Variants in NCKAP5 observed in about 807,000 individuals in gnomAD.
The protein encoded by NCKAP5 is NCK associated protein 5.
NCKAP5 carries 92 observed loss-of-function variants against 167.0 expected under a neutral mutation model. The observed-to-expected ratio is 0.55, with a 90% CI of 0.47 to 0.66. NCKAP5 has a LOEUF of 0.66. Ranked by LOEUF, NCKAP5 falls within the 30% of genes least tolerant of loss-of-function variation. The probability of loss-of-function intolerance (pLI) is 0.00; values close to 1 mark genes in which losing one functional copy is unlikely to be tolerated. For synonymous variants in NCKAP5, 891 were observed against 877.4 expected (o/e 1.02, Z -0.27); for missense variants, 2,378 against 2,315.0 (o/e 1.03, Z -0.56).
At chr2:133,073,916 C>T in intron 6 of NCKAP5, among the ~76,000 whole-genome samples, 1 of 152,162 alleles carries the variant, frequency 6.6e-6, no homozygotes, top group African/African-American at 2.4e-5. Flanking sequence ...TATCTAATGG[C>T]TACTGAGGCA....
At chr2:133,399,720 G>C (rs1322863901) in intron 3 of NCKAP5, among the ~76,000 whole-genome samples, 1 of 152,070 alleles carries the variant, frequency 6.6e-6, no homozygotes, top group Non-Finnish European at 1.5e-5. Flanking sequence ...CAAGTAACTG[G>C]TGCGGGCTCC....
rs1428059881 is a variant in NCKAP5 at position 133,357,677 on chromosome 2, T to G, written c.70-54567A>C. ...GGTTTCTGCTTTAGAAATGACCTCC[T>G]TATCAATCTCCTTGTTTTTAATCTT... On this transcript the variant is annotated intron_variant, in intron 3 of 19. Coordinates refer to ENST00000409261, the MANE Select transcript of NCKAP5 (RefSeq NM_207363.3). 3.9e-5 allele frequency among the ~76,000 whole-genome samples: 6 copies of G among 152,314 alleles called. No individual in the cohort carries two copies. In the South Asian group the frequency reaches 1.2e-3, roughly 32 times the overall value.
chr2:132,894,964 G>C (rs2148884856), intron 8 of NCKAP5, among the ~76,000 whole-genome samples: 1 of 152,296 alleles, frequency 6.6e-6, no homozygotes, highest in East Asian at 1.9e-4. Flanking sequence ...GCCAGCATCT[G>C]AGAGGGAACA....
At chr2:133,422,210 A>C (rs1260671173) in intron 3 of NCKAP5, among the ~76,000 whole-genome samples, 1 of 152,232 alleles carries the variant, frequency 6.6e-6, no homozygotes, top group Non-Finnish European at 1.5e-5. Context: ...TCAGGAAGAC[A>C]AAAGGATGAT....
At chr2:133,520,267 G>A (rs1286017358) in intron 2 of NCKAP5, among the ~76,000 whole-genome samples, 5 of 152,242 alleles carry the variant, frequency 3.3e-5, no homozygotes, top group African/African-American at 7.2e-5. Flanking sequence ...AAGAGAATGC[G>A]TGAAAAAAGT....
At chr2:133,522,999 T>TAGTTATTGATACTAATCTTCCC (rs942204365) in intron 2 of NCKAP5, among the ~76,000 whole-genome samples, 2 of 152,158 alleles carry the variant, frequency 1.3e-5, no homozygotes, top group Non-Finnish European at 2.9e-5. Context: ...TATTGACTGA[T>TAGTTATTGATACTAATCTTCCC]AGTTATTGAT....
At chr2:133,074,038 T>C (rs1327391951) in intron 6 of NCKAP5, among the ~76,000 whole-genome samples, 2 of 152,214 alleles carry the variant, frequency 1.3e-5, no homozygotes, top group Non-Finnish European at 2.9e-5. Flanking sequence ...GAGCAATAGA[T>C]AACATTTCTC....
intron 10 of NCKAP5, among the ~76,000 whole-genome samples, chr2:132,865,561 G>A (rs931332340): frequency 3.3e-5 from 5 of 152,168 alleles, no homozygotes; most frequent in African/African-American, 1.2e-4. Flanking sequence ...AATACTTCCA[G>A]AAGTTTTAGG....
At chr2:133,523,300 TCACA>T (rs57259165) in intron 2 of NCKAP5, among the ~76,000 whole-genome samples, 69 of 145,730 alleles carry the variant, frequency 4.7e-4, no homozygotes, top group African/African-American at 8.7e-4. Context: ...ATACACACAG[TCACA>T]CACACACACA....
intron 6 of NCKAP5, among the ~76,000 whole-genome samples, chr2:133,064,012 T>C (rs2080103238): frequency 6.6e-6 from 1 of 152,184 alleles, no homozygotes; most frequent in Non-Finnish European, 1.5e-5. Context: ...TCTTAGCAGT[T>C]GTTGCCACAC....
Position 133,353,087 on chromosome 2 carries a change from G to A in NCKAP5, c.70-49977C>T, listed in dbSNP as rs75148324. 9.8e-3 allele frequency among the ~76,000 whole-genome samples: 1,493 copies of A among 152,320 alleles called. 18 individuals carry two copies. The highest frequency in any genetic ancestry group is 0.033 in the African/African-American group (1,377 of 41,566). On this transcript the variant is annotated intron_variant, in intron 3 of 19. Coordinates refer to ENST00000409261, the MANE Select transcript of NCKAP5 (RefSeq NM_207363.3). ...CCATATTCAAACAATCTTGGACTGA[G>A]TAGTGGTCACTAAATTCTCCATTAG...
chr2:132,851,304 G>A (rs1159664462), intron 11 of NCKAP5, among the ~76,000 whole-genome samples: 2 of 152,208 alleles, frequency 1.3e-5, no homozygotes, highest in Admixed American at 6.5e-5. Flanking sequence ...GGTAGTAGAT[G>A]GAAGTGGGGT....
At chr2:132,957,909 C>G (rs542695349) in intron 8 of NCKAP5, among the ~76,000 whole-genome samples, 54 of 152,086 alleles carry the variant, frequency 3.6e-4, no homozygotes, top group African/African-American at 1.2e-3. Context: ...TTAGATCATA[C>G]TCTTTTTTTG....
intron 3 of NCKAP5, among the ~76,000 whole-genome samples, chr2:133,504,942 C>T (rs1682869614): frequency 1.3e-5 from 2 of 152,146 alleles, no homozygotes; most frequent in African/African-American, 4.8e-5. Flanking sequence ...CTGCTCTAAG[C>T]TGGCAGAGCT....
chr2:133,034,340 C>T (rs1350115370), intron 6 of NCKAP5, among the ~76,000 whole-genome samples: 2 of 152,056 alleles, frequency 1.3e-5, no homozygotes, highest in African/African-American at 4.8e-5. Flanking sequence ...TCATCAATAC[C>T]AGGCCTGTCC....
intron 5 of NCKAP5, among the ~76,000 whole-genome samples, chr2:133,147,001 A>G (rs2083221266): frequency 6.6e-6 from 1 of 152,176 alleles, no homozygotes; most frequent in East Asian, 1.9e-4. Context: ...TGTCAACAGA[A>G]GTGGTTTTGT....
intron 3 of NCKAP5, among the ~76,000 whole-genome samples, chr2:133,444,805 C>T (rs1037836200): frequency 1.3e-5 from 2 of 152,146 alleles, no homozygotes; most frequent in African/African-American, 4.8e-5. Flanking sequence ...CTCTGACTAG[C>T]GCTGGCCTTG....
chr2:133,142,885 C>G (rs1160820481), intron 5 of NCKAP5, among the ~76,000 whole-genome samples: 2 of 152,074 alleles, frequency 1.3e-5, no homozygotes, highest in Non-Finnish European at 2.9e-5. Flanking sequence ...GCATTTGGAC[C>G]AGTTAGATTT....
chr2:132,815,132 A>G (rs564680669), intron 11 of NCKAP5, among the ~76,000 whole-genome samples: 55 of 152,324 alleles, frequency 3.6e-4, no homozygotes, highest in Admixed American at 1.4e-3. Flanking sequence ...CAATTTTCAT[A>G]AAGTACTTTG....
Sources: gnomAD v4.1 joint callset for allele counts (sites outside exome capture counted in the v4.1 genomes callset) on GRCh38, gnomAD v4.1.1 for gene constraint, MANE v1.5 for transcripts, NCBI Gene and HGNC (gene_info 2026-07-23, HGNC 2026-07-21) for gene names.